MCOLN2: variants seen among roughly 807,000 people sequenced by gnomAD.
MCOLN2 encodes the protein mucolipin-2.
In MCOLN2, 57 loss-of-function variants were observed where a neutral mutation model predicts 67.5. The ratio of observed to expected loss-of-function variants is 0.84; its 90% CI spans 0.68 to 1.05. The LOEUF (loss-of-function observed/expected upper bound fraction) is 1.05. MCOLN2 is among the 50% of genes least tolerant of loss of function. The pLI is 0.00. For synonymous variants in MCOLN2, 246 were observed against 233.3 expected (o/e 1.05, Z -0.50); for missense variants, 620 against 678.8 (o/e 0.91, Z 0.96).
chr1:84,979,461 GAAAGA>G (rs1650149814), intron 1 of MCOLN2, among the ~76,000 whole-genome samples: 1 of 152,096 alleles, frequency 6.6e-6, no homozygotes, highest in Admixed American at 6.5e-5. Context: ...CAACACATTA[GAAAGA>G]TCATTCATCA....
chr1:84,990,297 CAAAAAAAAAAAAA>C (rs34226507), intron 1 of MCOLN2, among the ~76,000 whole-genome samples: 2,062 of 35,058 alleles, frequency 0.059, 42 homozygotes, highest in African/African-American at 0.16. Flanking sequence ...GACTCCATCT[CAAAAAAAAAAAAA>C]AAAAAAAAAA....
intron 2 of MCOLN2, among the ~76,000 whole-genome samples, chr1:84,961,929 C>T (rs1015662077): frequency 7.9e-5 from 12 of 152,124 alleles, no homozygotes; most frequent in Non-Finnish European, 1.0e-4. Flanking sequence ...GTAGACACCT[C>T]TCTCAAGATT....
chr1:84,938,925 G>A (rs576471513), intron 9 of MCOLN2, among the ~76,000 whole-genome samples: 16 of 152,284 alleles, frequency 1.1e-4, no homozygotes, highest in African/African-American at 3.9e-4. Flanking sequence ...TGAAGTAGAA[G>A]ACGGGAAAGC....
At chr1:84,986,765 C>G (rs1223176270) in intron 1 of MCOLN2, among the ~76,000 whole-genome samples, 1 of 151,996 alleles carries the variant, frequency 6.6e-6, no homozygotes, top group Non-Finnish European at 1.5e-5. Flanking sequence ...AAATAGCCAA[C>G]AGACATACGA....
At chr1:84,987,560 G>GTATATA (rs1469966340) in intron 1 of MCOLN2, among the ~76,000 whole-genome samples, 17 of 87,632 alleles carry the variant, frequency 1.9e-4, no homozygotes, top group South Asian at 3.7e-4. Flanking sequence ...ATACATCTAT[G>GTATATA]TATACATAGA....
intron 1 of MCOLN2, among the ~76,000 whole-genome samples, chr1:84,994,464 C>G (rs10873675): frequency 0.92 from 140,512 of 152,282 alleles, 65,503 homozygotes; most frequent in East Asian, 0.99. Flanking sequence ...ATCTTAGCTA[C>G]ATCTTCCAAC....
chr1:84,987,584 A>ATATGTATACATCTATG (rs1650661790), intron 1 of MCOLN2, among the ~76,000 whole-genome samples: 8 of 58,760 alleles, frequency 1.4e-4, no homozygotes, highest in Admixed American at 6.7e-4. Flanking sequence ...ATACATAGAT[A>ATATGTATACATCTATG]TATACATATG....
chr1:84,990,297 C>CAAAAAAAAAAAAAAAAAAAAAAAAAA (rs34226507), intron 1 of MCOLN2, among the ~76,000 whole-genome samples: 2 of 34,958 alleles, frequency 5.7e-5, no homozygotes, highest in African/African-American at 1.1e-4. Context: ...GACTCCATCT[C>CAAAAAAAAAAAAAAAAAAAAAAAAAA]AAAAAAAAAA....
Position 84,937,880 on chromosome 1 carries a change from GA to G in MCOLN2, c.1213-4del. The G allele has an allele frequency of 6.2e-7, 1 of 1,612,712 alleles. No homozygotes were observed. The highest frequency in any genetic ancestry group is 8.5e-7 in the Non-Finnish European group (1 of 1,179,638). Reference sequence around the variant, plus strand: ...GCCTGCATTGTTAAAATCAGCACCTGAAAAAAAGAACAGAATGGGTGAAATG... The same window carrying G: ...GCCTGCATTGTTAAAATCAGCACCTGAAAAAAGAACAGAATGGGTGAAATG... On this transcript the variant is annotated splice_region_variant and splice_polypyrimidine_tract_variant and intron_variant, in intron 10 of 13. Coordinates refer to ENST00000370608, the MANE Select transcript of MCOLN2 (RefSeq NM_153259.4).
intron 1 of MCOLN2, among the ~76,000 whole-genome samples, chr1:84,971,422 T>C (rs533990821): frequency 3.3e-5 from 5 of 152,060 alleles, no homozygotes; most frequent in African/African-American, 1.2e-4. Context: ...AAACTTTACT[T>C]TTCTGAGGGC....
intron 6 of MCOLN2, 99 bp from the exon 7 acceptor site, chr1:84,947,231 T>C: frequency 1.4e-6 from 1 of 697,548 alleles, no homozygotes; most frequent in Non-Finnish European, 2.6e-6. Context: ...TCCAGTGTGC[T>C]GATCCAAAGA....
At chr1:84,931,278 T>C in intron 12 of MCOLN2, 84 bp downstream of exon 12, 2 of 890,830 alleles carry the variant, frequency 2.2e-6, no homozygotes, top group Non-Finnish European at 3.6e-6. Context: ...TGTAATATTT[T>C]AAGTTTTTAA....
chr1:84,992,153 AT>A (rs1369850486), intron 1 of MCOLN2, among the ~76,000 whole-genome samples: 1 of 152,194 alleles, frequency 6.6e-6, no homozygotes, highest in African/African-American at 2.4e-5. Flanking sequence ...AAGTAGTACA[AT>A]TTTTTAAGGC....
chr1:84,940,516 T>G (rs897515951), intron 8 of MCOLN2, among the ~76,000 whole-genome samples: 2 of 152,226 alleles, frequency 1.3e-5, no homozygotes, highest in African/African-American at 4.8e-5. Context: ...GAACTCTGAT[T>G]TGAAGACAAA....
chr1:84,928,106 C>T (rs1412152380), intron 13 of MCOLN2, among the ~76,000 whole-genome samples: 2 of 152,184 alleles, frequency 1.3e-5, no homozygotes, highest in African/African-American at 4.8e-5. Flanking sequence ...ACTGAAATTG[C>T]TATAGCTGAC....
chr1:84,960,428 C>G (rs763508876), intron 2 of MCOLN2, among the ~76,000 whole-genome samples: 49 of 152,162 alleles, frequency 3.2e-4, no homozygotes, highest in Admixed American at 2.1e-3. Context: ...TTATAATGAA[C>G]TTAAGTGCTA....
At chr1:84,975,138 G>T (rs1305382864) in intron 1 of MCOLN2, among the ~76,000 whole-genome samples, 1 of 152,152 alleles carries the variant, frequency 6.6e-6, no homozygotes, top group Non-Finnish European at 1.5e-5. Flanking sequence ...AAGAACACAG[G>T]CCTGGTTGGC....
chr1:84,937,880 G>A lies in MCOLN2; in HGVS notation c.1213-3C>T. ...GCCTGCATTGTTAAAATCAGCACCT[G>A]AAAAAAAGAACAGAATGGGTGAAAT... On this transcript the variant is annotated splice_polypyrimidine_tract_variant and splice_region_variant and intron_variant, in intron 10 of 13. Transcript: ENST00000370608. 1 of 1,612,712 alleles carries A rather than the reference G, an allele frequency of 6.2e-7. No individual in the cohort carries two copies. The highest frequency in any genetic ancestry group is 8.5e-7 in the Non-Finnish European group (1 of 1,179,638).
chr1:84,939,493 G>C (rs1327490366), intron 9 of MCOLN2, 60 bp downstream of exon 9: 5 of 1,540,318 alleles, frequency 3.2e-6, no homozygotes, highest in Non-Finnish European at 4.5e-6. Context: ...TACGTCTTAA[G>C]ATGCCTGTGG....
Sources: allele counts gnomAD v4.1 joint callset (sites outside exome capture counted in the v4.1 genomes callset), GRCh38; gene constraint gnomAD v4.1.1; transcripts MANE v1.5; gene names NCBI Gene and HGNC (gene_info 2026-07-23, HGNC 2026-07-21).